Variants in PCDH15 observed in about 807,000 individuals in gnomAD.
PCDH15 encodes the protein protocadherin related 15, also known as protocadherin-15.
Under a neutral mutation model 178.5 loss-of-function variants are expected in PCDH15, and 129 were observed. That is an observed-to-expected ratio of 0.72 (90% CI 0.63 to 0.84). The LOEUF is 0.84. Ranked by LOEUF, PCDH15 falls within the 40% of genes least tolerant of loss-of-function variation. The pLI, the probability that PCDH15 is intolerant of heterozygous loss-of-function variation, is 0.00. For synonymous variants in PCDH15, 800 were observed against 732.0 expected, an observed-to-expected ratio of 1.09 and a Z score of -1.50; for missense variants, 2,230 against 2,099.9, an observed-to-expected ratio of 1.06 and a Z score of -1.21.
At chr10:55,539,549 A>C (rs952662235) in intron 2 of PCDH15, among the ~76,000 whole-genome samples, 7 of 152,090 alleles carry the variant, frequency 4.6e-5, no homozygotes, top group Non-Finnish European at 7.4e-5. Flanking sequence ...TGAAACTTCT[A>C]ATTGTAATTC....
intron 2 of PCDH15, among the ~76,000 whole-genome samples, chr10:54,616,543 C>T (rs533951531): frequency 6.6e-6 from 1 of 152,088 alleles, no homozygotes; most frequent in Admixed American, 6.6e-5. Flanking sequence ...GATTCCCAGA[C>T]ACCTTTCCAG....
chr10:54,267,711 C>G (rs1305159054), intron 8 of PCDH15, among the ~76,000 whole-genome samples: 1 of 151,628 alleles, frequency 6.6e-6, no homozygotes, highest in Non-Finnish European at 1.5e-5. Flanking sequence ...TTAGGAATAC[C>G]TCTAACCAAG....
In PCDH15 at chr10:55,342,025, T is replaced by C. The variant is rs909012713; in HGVS notation, c.-155-175374A>G. Among the ~76,000 whole-genome samples the C allele has an allele frequency of 2.0e-5, 3 of 150,524 alleles. No homozygotes were observed. In the South Asian group the frequency reaches 6.3e-4, roughly 31 times the overall value. ...GATTAGAGCACTAGTAGAACAGATA[T>C]TAACATCAGCCAGGTCAAAAAATTA... On this transcript the variant is annotated intron_variant, in intron 2 of 5. Transcript: ENST00000613346.
chr10:53,996,894 AC>A (rs1282857726), intron 20 of PCDH15, among the ~76,000 whole-genome samples: 1 of 152,124 alleles, frequency 6.6e-6, no homozygotes, highest in Non-Finnish European at 1.5e-5. Context: ...GCTAGTAAAA[AC>A]AAAATTTAAA....
At chr10:55,078,336 C>T (rs1564778380) in intron 2 of PCDH15, among the ~76,000 whole-genome samples, 1 of 152,084 alleles carries the variant, frequency 6.6e-6, no homozygotes, top group Non-Finnish European at 1.5e-5. Flanking sequence ...GATTGCTTGG[C>T]CTCCTGTATC....
intron 2 of PCDH15, among the ~76,000 whole-genome samples, chr10:55,625,885 C>T (rs1222840143): frequency 6.6e-6 from 1 of 152,142 alleles, no homozygotes; most frequent in Admixed American, 6.6e-5. Flanking sequence ...GTCCTACTCT[C>T]ACCACTTTCG....
At chr10:53,921,882 A>T (rs1049370165) in intron 25 of PCDH15, among the ~76,000 whole-genome samples, 1 of 152,222 alleles carries the variant, frequency 6.6e-6, no homozygotes, top group African/African-American at 2.4e-5. Flanking sequence ...CAGAGAATGG[A>T]CACCATACCT....
chr10:55,226,661 C>T (rs998599420), intron 1 of PCDH15, among the ~76,000 whole-genome samples: 10 of 151,964 alleles, frequency 6.6e-5, no homozygotes, highest in Admixed American at 1.3e-4. Flanking sequence ...AGATTACAGG[C>T]GTGAGCCACT....
intron 3 of PCDH15, among the ~76,000 whole-genome samples, chr10:54,510,407 A>G (rs139741177): frequency 2.0e-4 from 31 of 152,294 alleles, no homozygotes; most frequent in Non-Finnish European, 3.2e-4. Flanking sequence ...TATGTGATTA[A>G]TTCTCTCTAC....
chr10:54,875,243 T>C (rs1026733142), intron 3 of PCDH15, among the ~76,000 whole-genome samples: 2 of 152,148 alleles, frequency 1.3e-5, no homozygotes, highest in Non-Finnish European at 2.9e-5. Flanking sequence ...GTAATTGTTT[T>C]GGGGGCATCG....
intron 1 of PCDH15, among the ~76,000 whole-genome samples, chr10:55,188,482 C>A (rs183269298): frequency 1.7e-4 from 26 of 151,890 alleles, no homozygotes; most frequent in Admixed American, 1.4e-3. Flanking sequence ...GAAAGTAATG[C>A]CGTCATATTC....
rs1264139311 is a variant in PCDH15 at position 54,135,834 on chromosome 10, CTTCA to C, written c.1785-2831_1785-2828del. ...ATCTAGAGCAAATTATTTCTTTCAG[CTTCA>C]TTATTTCCACATAATAAGTGGGAAT... is the stretch of plus-strand genomic sequence containing the variant. On this transcript the variant is annotated intron_variant, in intron 14 of 37. Coordinates refer to ENST00000644397, the MANE Select transcript of PCDH15 (RefSeq NM_001384140.1). 1.4e-4 allele frequency among the ~76,000 whole-genome samples: 22 copies of C among 152,228 alleles called. No homozygotes were observed. In the East Asian group the frequency reaches 4.0e-3, roughly 28 times the overall value.
intron 2 of PCDH15, among the ~76,000 whole-genome samples, chr10:55,078,177 G>T (rs1164171033): frequency 6.6e-6 from 1 of 152,146 alleles, no homozygotes; most frequent in East Asian, 1.9e-4. Flanking sequence ...ATGTTGAGAA[G>T]TCCACTATTA....
At chr10:53,898,477 GATTA>G (rs1395712991) in intron 26 of PCDH15, among the ~76,000 whole-genome samples, 1 of 152,178 alleles carries the variant, frequency 6.6e-6, no homozygotes, top group Non-Finnish European at 1.5e-5. Context: ...TAAAATGACT[GATTA>G]CTTGTCACTA....
intron 26 of PCDH15, among the ~76,000 whole-genome samples, chr10:53,893,896 G>A (rs1046036405): frequency 3.3e-5 from 5 of 152,042 alleles, no homozygotes; most frequent in African/African-American, 1.2e-4. Flanking sequence ...CATCACTAAA[G>A]AACTTATCCA....
intron 1 of PCDH15, among the ~76,000 whole-genome samples, chr10:55,309,174 T>C (rs926279084): frequency 6.6e-6 from 1 of 152,138 alleles, no homozygotes; most frequent in African/African-American, 2.4e-5. Flanking sequence ...CAAATTTCAA[T>C]TTTTAATATA....
At chr10:55,446,754 C>A (rs1463516785) in intron 2 of PCDH15, among the ~76,000 whole-genome samples, 1 of 152,074 alleles carries the variant, frequency 6.6e-6, no homozygotes, top group Non-Finnish European at 1.5e-5. Context: ...TCTGCCATTG[C>A]CATGTGAAGA....
intron 14 of PCDH15, among the ~76,000 whole-genome samples, chr10:54,147,944 G>T (rs1175334685): frequency 6.6e-6 from 1 of 151,928 alleles, no homozygotes; most frequent in Non-Finnish European, 1.5e-5. Context: ...GGACTGCTGA[G>T]CCAAGTCAAT....
intron 27 of PCDH15, among the ~76,000 whole-genome samples, chr10:53,865,138 G>GT (rs1456555821): frequency 6.6e-6 from 1 of 152,120 alleles, no homozygotes; most frequent in Non-Finnish European, 1.5e-5. Context: ...ATAGAATTTT[G>GT]TATGTTTTTG....
Sources: allele counts gnomAD v4.1 joint callset (sites outside exome capture counted in the v4.1 genomes callset), GRCh38; gene constraint gnomAD v4.1.1; transcripts MANE v1.5; gene names NCBI Gene and HGNC (gene_info 2026-07-23, HGNC 2026-07-21).